ACOXL: variants seen among roughly 807,000 people sequenced by gnomAD.
ACOXL encodes acyl-CoA oxidase like.
In ACOXL, 70 loss-of-function variants were observed where a neutral mutation model predicts 71.9. The observed-to-expected ratio is 0.97, with a 90% confidence interval of 0.80 to 1.19. ACOXL has a LOEUF of 1.19. ACOXL is among the 50% of genes most tolerant of loss of function. ACOXL has a pLI of 0.00. For missense variants in ACOXL, 703 were observed against 736.3 expected, an observed-to-expected ratio of 0.95 and a Z score of 0.52; for synonymous variants, 253 against 281.6, an observed-to-expected ratio of 0.90 and a Z score of 1.02.
intron 16 of ACOXL, among the ~76,000 whole-genome samples, chr2:111,065,323 C>A (rs1461413956): frequency 6.6e-6 from 1 of 152,084 alleles, no homozygotes; most frequent in Admixed American, 6.6e-5. Context: ...AATTAAAGAA[C>A]CTTAATCTAA....
At chr2:111,058,295 G>A (rs761827198) in intron 16 of ACOXL, among the ~76,000 whole-genome samples, 1 of 152,146 alleles carries the variant, frequency 6.6e-6, no homozygotes, top group Non-Finnish European at 1.5e-5. Flanking sequence ...CCAAGAGCAC[G>A]GAGAAATTCC....
intron 17 of ACOXL, among the ~76,000 whole-genome samples, chr2:111,110,235 C>T (rs1277139995): frequency 6.6e-6 from 1 of 152,088 alleles, no homozygotes; most frequent in African/African-American, 2.4e-5. Context: ...ATTAAGATTC[C>T]TCCTAGAGTC....
chr2:110,894,713 G>T (rs1408590507), intron 10 of ACOXL, among the ~76,000 whole-genome samples: 3 of 152,138 alleles, frequency 2.0e-5, no homozygotes, highest in Admixed American at 6.6e-5. Context: ...CAGTGGTGGT[G>T]TTACAGGAGG....
intron 7 of ACOXL, among the ~76,000 whole-genome samples, chr2:110,801,023 C>T (rs1276248439): frequency 6.6e-6 from 1 of 152,132 alleles, no homozygotes; most frequent in African/African-American, 2.4e-5. Flanking sequence ...GATTGTTTTC[C>T]CCTAGGTTAA....
In ACOXL at chr2:110,921,560, A is replaced by G. The variant is rs549697352; in HGVS notation, c.906-11929A>G. On this transcript the variant is annotated intron_variant, in intron 11 of 17. Transcript: ENST00000439055. The stretch of plus-strand genomic sequence containing the variant: ...AGGTGCCTGCCACCACGTCCGGCTA[A>G]CTTTTTGTACTTTTAGTAGAGTTGG... Among the ~76,000 whole-genome samples the G allele has an allele frequency of 1.8e-4, 28 of 152,006 alleles. 1 individual carries two copies. In the South Asian group the frequency reaches 5.2e-3, roughly 28 times the overall value.
At chr2:110,967,608 A>C (rs1316396644) in intron 12 of ACOXL, among the ~76,000 whole-genome samples, 1 of 152,252 alleles carries the variant, frequency 6.6e-6, no homozygotes. Flanking sequence ...GTAAATAATA[A>C]GACTATATAA....
intron 12 of ACOXL, among the ~76,000 whole-genome samples, chr2:110,957,229 A>G (rs925898644): frequency 1.3e-5 from 2 of 151,834 alleles, no homozygotes; most frequent in African/African-American, 4.8e-5. Flanking sequence ...CTGGAGTCCA[A>G]TGTAGAAAGG....
intron 12 of ACOXL, among the ~76,000 whole-genome samples, chr2:110,956,982 C>T (rs535453398): frequency 6.6e-6 from 1 of 152,242 alleles, no homozygotes; most frequent in Non-Finnish European, 1.5e-5. Flanking sequence ...CTCTTGCTTC[C>T]CAGAGCCCAG....
chr2:110,997,143 G>C (rs1421056092), intron 14 of ACOXL, among the ~76,000 whole-genome samples: 5 of 152,196 alleles, frequency 3.3e-5, no homozygotes, highest in African/African-American at 7.2e-5. Context: ...GGGAGAAAAT[G>C]CAATCTGTAA....
chr2:111,063,023 C>G (rs765692248), intron 16 of ACOXL, among the ~76,000 whole-genome samples: 2 of 152,030 alleles, frequency 1.3e-5, no homozygotes, highest in Non-Finnish European at 2.9e-5. Flanking sequence ...AAATTCTATG[C>G]CCATAAATTT....
chr2:110,737,925 T>C (rs1048572470), intron 1 of ACOXL, among the ~76,000 whole-genome samples: 2 of 152,346 alleles, frequency 1.3e-5, no homozygotes. Context: ...GCTACTCCTG[T>C]TGAGAGGTGT....
At chr2:110,940,644 C>G (rs889015800) in intron 12 of ACOXL, among the ~76,000 whole-genome samples, 2 of 152,208 alleles carry the variant, frequency 1.3e-5, no homozygotes, top group Non-Finnish European at 2.9e-5. Context: ...CACTGCTGCT[C>G]TTGAACTCCT....
chr2:111,032,463 C>G (rs1241078217), intron 15 of ACOXL, among the ~76,000 whole-genome samples: 1 of 152,168 alleles, frequency 6.6e-6, no homozygotes, highest in African/African-American at 2.4e-5. Flanking sequence ...ACACTGAACA[C>G]CAAGTAAGAT....
At chr2:110,828,215 A>C (rs889365459) in intron 9 of ACOXL, among the ~76,000 whole-genome samples, 6 of 152,088 alleles carry the variant, frequency 3.9e-5, no homozygotes, top group Non-Finnish European at 8.8e-5. Context: ...CAAGCAATCC[A>C]CCTGCCTCGG....
At chr2:110,871,005 C>T (rs1160417123) in intron 10 of ACOXL, among the ~76,000 whole-genome samples, 4 of 152,150 alleles carry the variant, frequency 2.6e-5, no homozygotes, top group Non-Finnish European at 4.4e-5. Context: ...TTATTTACTG[C>T]GTGGGACCCA....
intron 12 of ACOXL, among the ~76,000 whole-genome samples, chr2:110,975,818 A>G (rs2062419120): frequency 6.6e-6 from 1 of 152,140 alleles, no homozygotes; most frequent in South Asian, 2.1e-4. Flanking sequence ...CAAAAAAAAA[A>G]AAATCCAATG....
At position 110,843,536 on chromosome 2, in the gene ACOXL, C is replaced by G. The variant is rs751758965; in HGVS notation, c.788+2131C>G. 5.9e-5 allele frequency among the ~76,000 whole-genome samples: 9 copies of G among 152,264 alleles called. No individual in the cohort carries two copies. In the South Asian group the frequency reaches 6.2e-4, roughly 11 times the overall value. ...GGAGGTGTGGGGTGGATCCTGGCGG[C>G]TTCAGATTGCTTCTGTAGTTCTACT... On this transcript the variant is annotated intron_variant, in intron 10 of 17. Transcript: ENST00000439055.
chr2:111,093,435 G>T lies in ACOXL; in HGVS notation c.1542+469G>T. The stretch of plus-strand genomic sequence containing the variant: ...ATGCTACTGCAAAGAAAAAGAATGT[G>T]AAACAGCATACTCATCAGTAAAACA... On this transcript the variant is annotated intron_variant, in intron 17 of 17. Coordinates refer to ENST00000439055, the MANE Select transcript of ACOXL (RefSeq NM_001142807.4). 1.2e-6 allele frequency: 2 copies of T among 1,612,770 alleles called. 1 individual carries two copies. The highest frequency in any genetic ancestry group is 2.2e-5 in the South Asian group (2 of 90,820).
intron 12 of ACOXL, among the ~76,000 whole-genome samples, chr2:110,980,485 T>C (rs2062656876): frequency 6.6e-6 from 1 of 152,142 alleles, no homozygotes; most frequent in Non-Finnish European, 1.5e-5. Context: ...AGCTCCCTGT[T>C]CCTGTCTATT....
Sources: gnomAD v4.1 joint callset for allele counts (sites outside exome capture counted in the v4.1 genomes callset) on GRCh38, gnomAD v4.1.1 for gene constraint, MANE v1.5 for transcripts, NCBI Gene and HGNC (gene_info 2026-07-23, HGNC 2026-07-21) for gene names.